Variants in DGKI observed in about 807,000 individuals in gnomAD.
The protein encoded by DGKI is diacylglycerol kinase iota.
Under a neutral mutation model 147.5 loss-of-function variants are expected in DGKI, and 55 were observed. The ratio of observed to expected loss-of-function variants is 0.37; its 90% CI spans 0.30 to 0.47. The LOEUF is 0.47. Ranked by LOEUF, DGKI falls within the 20% of genes least tolerant of loss-of-function variation. The pLI, the probability that DGKI is intolerant of heterozygous loss-of-function variation, is 1.00. For synonymous variants in DGKI, 469 were observed against 477.1 expected (o/e 0.98, Z 0.22); for missense variants, 1,007 against 1,323.8 (o/e 0.76, Z 3.71).
chr7:137,804,393 A>G (rs1359795523), intron 1 of DGKI, among the ~76,000 whole-genome samples: 1 of 152,236 alleles, frequency 6.6e-6, no homozygotes, highest in Non-Finnish European at 1.5e-5. Context: ...ATAAGATTTA[A>G]TTATTGGCTC....
intron 2 of DGKI, among the ~76,000 whole-genome samples, chr7:137,689,568 G>C (rs1474452924): frequency 6.6e-6 from 1 of 152,180 alleles, no homozygotes; most frequent in Non-Finnish European, 1.5e-5. Context: ...GCGAGATGTT[G>C]CACTAAGGGT....
intron 1 of DGKI, among the ~76,000 whole-genome samples, chr7:137,765,555 T>C (rs1414816204): frequency 6.6e-6 from 1 of 152,180 alleles, no homozygotes; most frequent in Non-Finnish European, 1.5e-5. Context: ...ACCTCACTAA[T>C]GATATTCCTT....
intron 24 of DGKI, among the ~76,000 whole-genome samples, chr7:137,468,878 A>G (rs1007544122): frequency 2.0e-5 from 3 of 152,222 alleles, no homozygotes; most frequent in African/African-American, 7.2e-5. Context: ...CTCCATATGA[A>G]CAAAAGAGAG....
chr7:137,502,637 T>A (rs1816219048), intron 21 of DGKI, among the ~76,000 whole-genome samples: 1 of 152,124 alleles, frequency 6.6e-6, no homozygotes, highest in African/African-American at 2.4e-5. Flanking sequence ...TGTTATTTAA[T>A]CTTTGCCACA....
At chr7:137,533,966 C>T (rs1047461385) in intron 20 of DGKI, among the ~76,000 whole-genome samples, 22 of 151,996 alleles carry the variant, frequency 1.4e-4, no homozygotes, top group African/African-American at 4.3e-4. Flanking sequence ...GTAGCATCAA[C>T]GAGTACTTTC....
At chr7:137,612,105 A>T (rs1195657682) in intron 8 of DGKI, among the ~76,000 whole-genome samples, 1 of 152,114 alleles carries the variant, frequency 6.6e-6, no homozygotes, top group African/African-American at 2.4e-5. Flanking sequence ...GATTTTGATG[A>T]TCAAGCACGT....
intron 29 of DGKI, 64 bp from the exon 30 acceptor site, chr7:137,408,059 G>C (rs760602155): frequency 1.3e-6 from 2 of 1,586,060 alleles, no homozygotes; most frequent in Non-Finnish European, 1.7e-6. Context: ...ACAGCTAACC[G>C]GTAATAAAAT....
At chr7:137,845,825 A>T (rs1307540869) in intron 1 of DGKI, among the ~76,000 whole-genome samples, 1 of 152,080 alleles carries the variant, frequency 6.6e-6, no homozygotes, top group Non-Finnish European at 1.5e-5. Context: ...GCCAGGAGAG[A>T]GGCAAGGAGC....
chr7:137,636,313 G>T (rs1821310697), intron 6 of DGKI, among the ~76,000 whole-genome samples: 1 of 152,176 alleles, frequency 6.6e-6, no homozygotes, highest in African/African-American at 2.4e-5. Flanking sequence ...GGAGAGAGAT[G>T]ATGAATATCA....
intron 1 of DGKI, among the ~76,000 whole-genome samples, chr7:137,702,164 A>G (rs1824006615): frequency 6.6e-6 from 1 of 152,248 alleles, no homozygotes; most frequent in Non-Finnish European, 1.5e-5. Flanking sequence ...GATCACAGAT[A>G]GAAACCTAAA....
chr7:137,392,961 A>G (rs1811419207), intron 32 of DGKI, among the ~76,000 whole-genome samples: 1 of 152,202 alleles, frequency 6.6e-6, no homozygotes, highest in South Asian at 2.1e-4. Flanking sequence ...AAGTATAGCT[A>G]TATTATTTCA....
At chr7:137,518,291 G>C (rs1244690782) in intron 21 of DGKI, among the ~76,000 whole-genome samples, 2 of 152,130 alleles carry the variant, frequency 1.3e-5, no homozygotes, top group East Asian at 3.8e-4. Context: ...TTGATCATCA[G>C]AGAAATTAAA....
chr7:137,825,362 C>A (rs1433296411), intron 1 of DGKI, among the ~76,000 whole-genome samples: 1 of 152,108 alleles, frequency 6.6e-6, no homozygotes, highest in African/African-American at 2.4e-5. Flanking sequence ...TTCACGTTAT[C>A]CCATGGCAGA....
At chr7:137,395,776 G>A in intron 31 of DGKI, 79 bp from the exon 32 acceptor site, 2 of 1,349,036 alleles carry the variant, frequency 1.5e-6, no homozygotes, top group Admixed American at 1.7e-5. Flanking sequence ...GCTGATGTAG[G>A]GTGCTCCTCA....
At chr7:137,803,117 G>A (rs941860213) in intron 1 of DGKI, among the ~76,000 whole-genome samples, 3 of 152,180 alleles carry the variant, frequency 2.0e-5, no homozygotes, top group Admixed American at 6.5e-5. Flanking sequence ...GCATCCTGGA[G>A]AAGCAAGTGA....
chr7:137,602,033 C>T (rs766616231), intron 10 of DGKI, among the ~76,000 whole-genome samples: 11 of 152,110 alleles, frequency 7.2e-5, no homozygotes, highest in African/African-American at 1.4e-4. Context: ...CCTCTTCTCA[C>T]GCTGAGCCTT....
chr7:137,536,330 G>A (rs1028181898), intron 20 of DGKI, among the ~76,000 whole-genome samples: 1 of 152,136 alleles, frequency 6.6e-6, no homozygotes, highest in Non-Finnish European at 1.5e-5. Context: ...TTAGTAGGGT[G>A]TTAAATTTGA....
chr7:137,701,432 C>A (rs933288119), intron 1 of DGKI, among the ~76,000 whole-genome samples: 1 of 152,156 alleles, frequency 6.6e-6, no homozygotes, highest in East Asian at 1.9e-4. Context: ...TTGCAAATGT[C>A]ATGATTACTT....
In DGKI at chr7:137,770,779, C is replaced by A. The variant is rs1279501491; in HGVS notation, c.401+75683G>T. 1.8e-4 allele frequency among the ~76,000 whole-genome samples: 9 copies of A among 49,160 alleles called. 2 individuals carry two copies. Among genetic ancestry groups the A allele is most frequent in the Non-Finnish European group, 3.1e-4 (9 of 29,286 alleles). The allele number at this position is 49,160 out of a possible 152,430, so 32.3% of individuals were successfully genotyped here. A position where few individuals can be genotyped will look rare whatever the true frequency, so the allele number is the denominator to read the frequency against. On this transcript the variant is annotated intron_variant, in intron 1 of 32. Coordinates refer to ENST00000614521, the MANE Select transcript of DGKI (RefSeq NM_001321708.2). ...CGATCTCCTGACCTCGTGATCCGCC[C>A]GCCTCGGCCTCCCAAAGTGCTGGGA...
Sources: allele counts gnomAD v4.1 joint callset (sites outside exome capture counted in the v4.1 genomes callset), GRCh38; gene constraint gnomAD v4.1.1; transcripts MANE v1.5; gene names NCBI Gene and HGNC (gene_info 2026-07-23, HGNC 2026-07-21).